PBX1: variants seen among roughly 807,000 people sequenced by gnomAD.
PBX1 encodes PBX homeobox 1.
PBX1 carries 6 observed loss-of-function variants against 53.4 expected under a neutral mutation model. The observed-to-expected ratio is 0.11, with a 90% CI of 0.06 to 0.22. The LOEUF is 0.22. Among genes scored for constraint, PBX1 ranks in the 10% least tolerant of loss-of-function variants. The pLI is 1.00. For missense variants in PBX1, 251 were observed against 551.4 expected, an observed-to-expected ratio of 0.46 and a Z score of 5.46; for synonymous variants, 204 against 212.3, an observed-to-expected ratio of 0.96 and a Z score of 0.34.
chr1:164,756,411 G>GT (rs1458524987), intron 2 of PBX1, among the ~76,000 whole-genome samples: 1 of 152,026 alleles, frequency 6.6e-6, no homozygotes, highest in African/African-American at 2.4e-5. Context: ...TGGAAAAGTT[G>GT]TTTTTTTCAG....
intron 2 of PBX1, among the ~76,000 whole-genome samples, chr1:164,568,454 T>A (rs1260207527): frequency 6.6e-6 from 1 of 152,190 alleles, no homozygotes; most frequent in Admixed American, 6.5e-5. Flanking sequence ...TTCATTGCCA[T>A]ATTAACCTGA....
At chr1:164,873,857 C>A (rs886363189) in intron 2 of PBX1, among the ~76,000 whole-genome samples, 2 of 152,046 alleles carry the variant, frequency 1.3e-5, no homozygotes, top group African/African-American at 4.8e-5. Flanking sequence ...CCAATGACAA[C>A]CTTATACATA....
At chr1:164,830,436 T>C (rs1670697870) in intron 8 of PBX1, among the ~76,000 whole-genome samples, 1 of 152,144 alleles carries the variant, frequency 6.6e-6, no homozygotes, top group African/African-American at 2.4e-5. Context: ...CAAAAATAAA[T>C]AGAGCTCTTT....
chr1:164,862,562 G>C (rs775507995), intron 2 of PBX1, among the ~76,000 whole-genome samples: 1 of 152,148 alleles, frequency 6.6e-6, no homozygotes, highest in Non-Finnish European at 1.5e-5. Flanking sequence ...CGGAACAACT[G>C]CCCCCACATT....
At chr1:164,669,410 G>A (rs777443151) in intron 2 of PBX1, among the ~76,000 whole-genome samples, 3 of 152,146 alleles carry the variant, frequency 2.0e-5, no homozygotes, top group Non-Finnish European at 4.4e-5. Context: ...GATAAGGGGC[G>A]CCCTCTCCCA....
intron 2 of PBX1, among the ~76,000 whole-genome samples, chr1:164,643,250 C>T (rs1173114491): frequency 6.6e-6 from 1 of 152,084 alleles, no homozygotes; most frequent in Non-Finnish European, 1.5e-5. Context: ...CTCTCCCTAC[C>T]CCCGTGACAG....
intron 2 of PBX1, among the ~76,000 whole-genome samples, chr1:164,675,727 C>A (rs916979732): frequency 1.3e-5 from 2 of 152,118 alleles, no homozygotes; most frequent in East Asian, 3.9e-4. Flanking sequence ...CAGACCCCGC[C>A]CCCAGACACT....
intron 2 of PBX1, among the ~76,000 whole-genome samples, chr1:164,654,186 G>T (rs966667259): frequency 1.3e-5 from 2 of 152,080 alleles, no homozygotes; most frequent in East Asian, 1.9e-4. Context: ...GAAAAACTTT[G>T]TCACTCCACT....
rs555850820 is a variant in PBX1 at position 164,587,794 on chromosome 1, G to A, written c.265+24483G>A. ...CAGTCCGGCACATACAGCCTCACAC[G>A]CGCCACACCAGGGGGTGTCCCCAGG... On this transcript the variant is annotated intron_variant, in intron 2 of 8. Transcript: ENST00000420696. Among the ~76,000 whole-genome samples, 14 of 152,218 alleles carry A rather than the reference G, an allele frequency of 9.2e-5. 1 individual carries two copies. The highest frequency in any genetic ancestry group is 2.4e-4 in the African/African-American group (10 of 41,528).
intron 3 of PBX1, among the ~76,000 whole-genome samples, chr1:164,798,183 C>T (rs1668882282): frequency 6.6e-6 from 1 of 152,192 alleles, no homozygotes; most frequent in Non-Finnish European, 1.5e-5. Flanking sequence ...TACCTTTGGC[C>T]AACCAACCTC....
At chr1:164,688,695 G>T (rs997425168) in intron 2 of PBX1, among the ~76,000 whole-genome samples, 1 of 152,024 alleles carries the variant, frequency 6.6e-6, no homozygotes, top group Non-Finnish European at 1.5e-5. Context: ...TGACTCTGTC[G>T]CCACTTTCCA....
At chr1:164,755,340 G>A (rs915869209) in intron 2 of PBX1, among the ~76,000 whole-genome samples, 1 of 152,144 alleles carries the variant, frequency 6.6e-6, no homozygotes, top group Non-Finnish European at 1.5e-5. Context: ...GTAGAGATGA[G>A]GTTTCTCCAT....
At chr1:164,666,979 A>G (rs531882474) in intron 2 of PBX1, among the ~76,000 whole-genome samples, 5 of 152,298 alleles carry the variant, frequency 3.3e-5, no homozygotes, top group South Asian at 2.1e-4. Flanking sequence ...TGTGTTCTGT[A>G]TAGAGCTGAG....
At chr1:164,711,543 G>A (rs1317918110) in intron 2 of PBX1, among the ~76,000 whole-genome samples, 37 of 152,346 alleles carry the variant, frequency 2.4e-4, no homozygotes, top group Non-Finnish European at 2.9e-5. Flanking sequence ...GATTACAGGC[G>A]TGAGCCACTG....
At chr1:164,669,678 C>T (rs775776082) in intron 2 of PBX1, among the ~76,000 whole-genome samples, 15 of 152,292 alleles carry the variant, frequency 9.8e-5, no homozygotes, top group Admixed American at 2.0e-4. Context: ...AACAAATCCT[C>T]ATACTCCTAG....
intron 8 of PBX1, among the ~76,000 whole-genome samples, chr1:164,822,514 G>A (rs1163714089): frequency 2.0e-5 from 3 of 152,086 alleles, no homozygotes; most frequent in Non-Finnish European, 4.4e-5. Flanking sequence ...AGAAGAGTTA[G>A]GCATGATTTA....
intron 2 of PBX1, among the ~76,000 whole-genome samples, chr1:164,717,598 G>A (rs1311072263): frequency 1.3e-5 from 2 of 152,180 alleles, no homozygotes; most frequent in African/African-American, 4.8e-5. Flanking sequence ...CAGGTGTGCA[G>A]TGGCTCCAGA....
chr1:164,639,309 G>C (rs991764667), intron 2 of PBX1, among the ~76,000 whole-genome samples: 2 of 152,202 alleles, frequency 1.3e-5, no homozygotes, highest in African/African-American at 4.8e-5. Context: ...CTTGGTTTTT[G>C]TCTTCCTTCT....
intron 2 of PBX1, among the ~76,000 whole-genome samples, chr1:164,714,517 A>T (rs1663980486): frequency 6.6e-6 from 1 of 152,080 alleles, no homozygotes; most frequent in African/African-American, 2.4e-5. Flanking sequence ...TTATTTTAAG[A>T]TAGGAGAGAT....
Sources: gnomAD v4.1 joint callset for allele counts (sites outside exome capture counted in the v4.1 genomes callset) on GRCh38, gnomAD v4.1.1 for gene constraint, MANE v1.5 for transcripts, NCBI Gene and HGNC (gene_info 2026-07-23, HGNC 2026-07-21) for gene names.